Variants in ZFYVE1 observed in about 807,000 individuals in gnomAD.
The protein encoded by ZFYVE1 is zinc finger FYVE-type containing 1.
A neutral mutation model predicts 74.4 loss-of-function variants in ZFYVE1; 30 were observed. The observed-to-expected ratio is 0.40, with a 90% CI of 0.30 to 0.55. ZFYVE1 has a LOEUF of 0.55. Among genes scored for constraint, ZFYVE1 ranks in the 20% least tolerant of loss-of-function variants. ZFYVE1 has a pLI of 0.42. For synonymous variants in ZFYVE1, 335 were observed against 385.1 expected, an observed-to-expected ratio of 0.87 and a Z score of 1.52; for missense variants, 703 against 1,011.6, an observed-to-expected ratio of 0.69 and a Z score of 4.14.
At position 72,975,001 on chromosome 14, in the gene ZFYVE1, G is replaced by A; in HGVS notation, c.1807-42C>T. 1 of 1,566,030 alleles carries A rather than the reference G, an allele frequency of 6.4e-7. No homozygotes were observed. The highest frequency in any genetic ancestry group is 8.7e-7 in the Non-Finnish European group (1 of 1,147,418). On this transcript the variant is annotated intron_variant, in intron 9 of 11. Transcript: ENST00000556143. This position sits in a 1 kb window ranked among gnomAD's most constrained non-coding sequence, Gnocchi z 4.1. ...ACAAAACAGAGAGGCAGGTAGGTATGGTACATGTCTGCTCAGCTGAGAAAG... is the reference window on the plus strand; with the variant it reads ...ACAAAACAGAGAGGCAGGTAGGTATAGTACATGTCTGCTCAGCTGAGAAAG...
rs1893782180 is a variant in ZFYVE1 at position 72,997,837 on chromosome 14, G to T, written c.962C>A (p.Thr321Asn). The T allele has an allele frequency of 6.2e-7, 1 of 1,600,908 alleles. No individual in the cohort carries two copies. The highest frequency in any genetic ancestry group is 8.6e-7 in the Non-Finnish European group (1 of 1,169,504). ...AGAGCCCAGTAGCTGGGTGTGCACG[G>T]TCTCATGGAAGATGATAACTGCAGG... is the stretch of plus-strand genomic sequence containing the variant. ...LGPAVIIFHETVHTQLLGSDH... is the reference protein window; with the variant it reads ...LGPAVIIFHENVHTQLLGSDH... The change falls in exon 3 of 12, where the codon ACC (threonine) becomes AAC (asparagine). Residue 321 changes from threonine (T) to asparagine (N), a missense_variant. Physicochemically the swap from Thr to Asn is moderately conservative, Grantham distance 65 (BLOSUM62 0). This residue lies in a region of ZFYVE1 where 492 missense variants were observed against 790.0 expected (regional missense o/e 0.62). Coordinates refer to ENST00000556143, the MANE Select transcript of ZFYVE1 (RefSeq NM_021260.4).
chr14:72,988,864 A>T (rs879602682), intron 4 of ZFYVE1, among the ~76,000 whole-genome samples: 2 of 150,054 alleles, frequency 1.3e-5, no homozygotes, highest in Admixed American at 6.6e-5. Context: ...AAATGGTATG[A>T]TCTCATTTAT....
At position 73,004,023 on chromosome 14, in the gene ZFYVE1, G is replaced by C. The variant is rs11845966; in HGVS notation, c.484-5708C>G. Among the ~76,000 whole-genome samples the C allele has an allele frequency of 4.1e-3, 629 of 152,260 alleles. 6 individuals carry two copies. Among genetic ancestry groups the C allele is most frequent in the African/African-American group, 0.015 (612 of 41,532 alleles). ...CTTCTCCCATCATACATCTTCCACA[G>C]GGCTGAACACACAGCAGCATTTCAT... On this transcript the variant is annotated intron_variant, in intron 2 of 11. Transcript: ENST00000556143.
At chr14:72,983,248 G>A (rs1245781561) in intron 4 of ZFYVE1, among the ~76,000 whole-genome samples, 2 of 151,216 alleles carry the variant, frequency 1.3e-5, no homozygotes, top group Non-Finnish European at 2.9e-5. Context: ...AGCACAACGT[G>A]CAGGTTTGTT....
rs1177786646 is a variant in ZFYVE1 at position 72,969,877 on chromosome 14, T to C, written c.*1005A>G. ...TTTAAAAACAACTAACAGTTCATCCTGTGCTCAGTTTCCCTGGAAGGTTTC... is the reference window on the plus strand; with the variant it reads ...TTTAAAAACAACTAACAGTTCATCCCGTGCTCAGTTTCCCTGGAAGGTTTC... On this transcript the variant is annotated 3_prime_UTR_variant, in exon 12 of 12. Coordinates refer to ENST00000556143, the MANE Select transcript of ZFYVE1 (RefSeq NM_021260.4). 1.6e-6 allele frequency: 1 copy of C among 620,100 alleles called. No individual in the cohort carries two copies. Among genetic ancestry groups the C allele is most frequent in the African/African-American group, 1.8e-5 (1 of 54,300 alleles). The allele number at this position is 620,100 out of a possible 1,614,324, so 38.4% of individuals were successfully genotyped here.
At chr14:72,985,280 C>T (rs1271293472) in intron 4 of ZFYVE1, among the ~76,000 whole-genome samples, 1 of 152,182 alleles carries the variant, frequency 6.6e-6, no homozygotes, top group African/African-American at 2.4e-5. Flanking sequence ...CTCAGCCTCC[C>T]AAGTAGCTGG....
intron 2 of ZFYVE1, among the ~76,000 whole-genome samples, chr14:73,009,585 A>G (rs898938138): frequency 6.6e-6 from 1 of 152,124 alleles, no homozygotes; most frequent in African/African-American, 2.4e-5. Flanking sequence ...TGAAACCCCC[A>G]TCTCGACTAA....
At chr14:72,976,130 T>C (rs2050119271) in intron 8 of ZFYVE1, among the ~76,000 whole-genome samples, 1 of 152,198 alleles carries the variant, frequency 6.6e-6, no homozygotes, top group Non-Finnish European at 1.5e-5. Flanking sequence ...AATAACTCTT[T>C]GTCATTTTTG....
At position 73,020,651 on chromosome 14, in the gene ZFYVE1, C is replaced by A. The variant is rs532347199; in HGVS notation, c.483+3375G>T. 2.1e-4 allele frequency among the ~76,000 whole-genome samples: 32 copies of A among 152,240 alleles called. No homozygotes were observed. In the East Asian group the frequency reaches 6.2e-3, roughly 30 times the overall value. On this transcript the variant is annotated intron_variant, in intron 2 of 11. Coordinates refer to ENST00000556143, the MANE Select transcript of ZFYVE1 (RefSeq NM_021260.4). ...ACAGGCGTGAGCCATCGCGCCCGGTCGCAGTTCATTGTTAATGGTGACTGC... is the reference window on the plus strand; with the variant it reads ...ACAGGCGTGAGCCATCGCGCCCGGTAGCAGTTCATTGTTAATGGTGACTGC...
At chr14:72,983,391 C>T (rs61630760) in intron 4 of ZFYVE1, among the ~76,000 whole-genome samples, 3 of 144,254 alleles carry the variant, frequency 2.1e-5, no homozygotes, top group South Asian at 2.4e-4. Flanking sequence ...ATGTTCCCCC[C>T]CTTCCTGTGT....
chr14:72,992,621 C>CCCG (rs1183241199), intron 4 of ZFYVE1, among the ~76,000 whole-genome samples: 7 of 111,196 alleles, frequency 6.3e-5, no homozygotes, highest in South Asian at 3.6e-4. Context: ...AGGTGCCCCC[C>CCCG]CCGCCCCTTG....
intron 11 of ZFYVE1, among the ~76,000 whole-genome samples, chr14:72,971,548 G>A (rs950297403): frequency 1.3e-5 from 2 of 152,012 alleles, no homozygotes; most frequent in African/African-American, 4.8e-5. Context: ...GGCTGGTCTC[G>A]AACTCCTAGT....
At chr14:72,992,778 T>C (rs1893651402) in intron 4 of ZFYVE1, among the ~76,000 whole-genome samples, 1 of 152,064 alleles carries the variant, frequency 6.6e-6, no homozygotes, top group African/African-American at 2.4e-5. Flanking sequence ...AATAAATTAA[T>C]TTAAATAAGA....
chr14:72,970,748 G>A lies in ZFYVE1; in HGVS notation c.*134C>T. 4.0e-6 allele frequency: 4 copies of A among 1,008,822 alleles called. No individual in the cohort carries two copies. Among genetic ancestry groups the A allele is most frequent in the Non-Finnish European group, 5.8e-6 (4 of 690,498 alleles). The allele number at this position is 1,008,822 out of a possible 1,614,324, so 62.5% of individuals were successfully genotyped here. A position where few individuals can be genotyped will look rare whatever the true frequency, so the allele number is the denominator to read the frequency against. On this transcript the variant is annotated 3_prime_UTR_variant, in exon 12 of 12. Transcript: ENST00000556143. ...TGCCGCCAGGCTCACCCCCACTGAG[G>A]GAAAGTGGCCCTGGATGCGGAGAGG... is the stretch of plus-strand genomic sequence containing the variant.
chr14:72,994,693 G>C (rs973379906), intron 3 of ZFYVE1, among the ~76,000 whole-genome samples: 1 of 152,120 alleles, frequency 6.6e-6, no homozygotes, highest in Non-Finnish European at 1.5e-5. Flanking sequence ...AGTAACCACA[G>C]CTCAATATTG....
intron 3 of ZFYVE1, among the ~76,000 whole-genome samples, chr14:72,997,305 T>C (rs1476671014): frequency 6.6e-6 from 1 of 152,234 alleles, no homozygotes; most frequent in Non-Finnish European, 1.5e-5. Flanking sequence ...TACAATCTCA[T>C]TGTTCTTCTT....
At position 72,975,840 on chromosome 14, in the gene ZFYVE1, G is replaced by T; in HGVS notation, c.1636-119C>A. On this transcript the variant is annotated intron_variant, in intron 8 of 11. Coordinates refer to ENST00000556143, the MANE Select transcript of ZFYVE1 (RefSeq NM_021260.4). The surrounding 1 kb of genome is among the most constrained non-coding windows in gnomAD (Gnocchi z 4.1). ...CCAACTCAGAACCACTAACTCCCTGGCAGGGAAGAACGGAGACACACCAGG... is the reference window on the plus strand; with the variant it reads ...CCAACTCAGAACCACTAACTCCCTGTCAGGGAAGAACGGAGACACACCAGG... 2.5e-6 allele frequency: 3 copies of T among 1,191,354 alleles called. No individual in the cohort carries two copies. Among genetic ancestry groups the T allele is most frequent in the Admixed American group, 2.4e-5 (1 of 41,448 alleles). 73.8% of individuals were successfully genotyped at this position (1,191,354 alleles called of 1,614,324 possible). A position where few individuals can be genotyped will look rare whatever the true frequency, so the allele number is the denominator to read the frequency against.
At chr14:73,020,935 T>C (rs545282337) in intron 2 of ZFYVE1, among the ~76,000 whole-genome samples, 8 of 152,244 alleles carry the variant, frequency 5.3e-5, no homozygotes, top group South Asian at 2.1e-4. Flanking sequence ...GGTTTGACCA[T>C]GTTGGCCCGG....
chr14:73,013,845 A>G (rs1176887488), intron 2 of ZFYVE1, among the ~76,000 whole-genome samples: 2 of 152,188 alleles, frequency 1.3e-5, no homozygotes, highest in African/African-American at 4.8e-5. Flanking sequence ...AACCTCAGAT[A>G]GAAATGATCT....
Sources: allele counts gnomAD v4.1 joint callset (sites outside exome capture counted in the v4.1 genomes callset), GRCh38; gene constraint gnomAD v4.1.1; regional missense constraint gnomAD v4.1.1; non-coding constraint Gnocchi (gnomAD v3.1); transcripts MANE v1.5; gene names NCBI Gene and HGNC (gene_info 2026-07-23, HGNC 2026-07-21).